SCGB1D2: variants seen among roughly 807,000 people sequenced by gnomAD.
SCGB1D2 encodes secretoglobin family 1D member 2.
In SCGB1D2, 10 loss-of-function variants were observed where a neutral mutation model predicts 10.5. That is an observed-to-expected ratio of 0.95 (90% CI 0.59 to 1.61). The LOEUF is 1.61. SCGB1D2 is among the 40% of genes most tolerant of loss of function. The pLI is 0.00. For missense variants in SCGB1D2, 113 were observed against 103.8 expected, an observed-to-expected ratio of 1.09 and a Z score of -0.38; for synonymous variants, 42 against 42.8, an observed-to-expected ratio of 0.98 and a Z score of 0.08.
chr11:62,244,254 A>G lies in SCGB1D2; in HGVS notation c.244-416A>G, dbSNP rs1157934428. Among the ~76,000 whole-genome samples, 5 of 152,086 alleles carry G rather than the reference A, an allele frequency of 3.3e-5. No homozygotes were observed. In the East Asian group the frequency reaches 9.6e-4, roughly 29 times the overall value. On this transcript the variant is annotated intron_variant, in intron 2 of 2. Coordinates refer to ENST00000244926, the MANE Select transcript of SCGB1D2 (RefSeq NM_006551.4). ...TCGGGCCCTGAGGCAGAATTCCCACATGGGGAGGCTGGAGTCTCCTGGAAG... is the reference window on the plus strand; with the variant it reads ...TCGGGCCCTGAGGCAGAATTCCCACGTGGGGAGGCTGGAGTCTCCTGGAAG...
chr11:62,243,237 G>A (rs1945078385), intron 1 of SCGB1D2, 52 bp from the exon 2 acceptor site: 2 of 1,494,604 alleles, frequency 1.3e-6, no homozygotes, highest in East Asian at 2.3e-5. Context: ...GGGAGCCAAA[G>A]AGAAAAATCG....
At chr11:62,243,604 G>A in intron 2 of SCGB1D2, 128 bp downstream of exon 2, 1 of 748,666 alleles carries the variant, frequency 1.3e-6, no homozygotes, top group Middle Eastern at 4.0e-4. Context: ...TCTTGAGAAG[G>A]TCACCTGGGG....
chr11:62,243,506 C>T, intron 2 of SCGB1D2, 30 bp downstream of exon 2: 3 of 1,578,956 alleles, frequency 1.9e-6, no homozygotes, highest in Non-Finnish European at 2.6e-6. Flanking sequence ...TTTGTTAAGG[C>T]TTCTGGTCAG....
In SCGB1D2 at chr11:62,243,377, A is replaced by G; in HGVS notation, c.144A>G (p.Lys48=). 1.2e-6 allele frequency: 2 copies of G among 1,614,078 alleles called. No homozygotes were observed. The highest frequency in any genetic ancestry group is 1.7e-6 in the Non-Finnish European group (2 of 1,179,950). The part of the protein sequence containing the change: ...SEPLFKLSLA[K]FDAPPEAVAA... ...CTCTGTTCAAGTTAAGTCTTGCCAA[A>G]TTTGATGCCCCTCCGGAAGCTGTTG... The change falls in exon 2 of 3, where the codon AAA becomes AAG. Residue 48 remains lysine, a synonymous_variant. Coordinates refer to ENST00000244926, the MANE Select transcript of SCGB1D2 (RefSeq NM_006551.4).
At chr11:62,242,970 T>C (rs1377150825) in intron 1 of SCGB1D2, among the ~76,000 whole-genome samples, 1 of 152,042 alleles carries the variant, frequency 6.6e-6, no homozygotes, top group Non-Finnish European at 1.5e-5. Context: ...CATGCACCAG[T>C]AGTCTCAGCT....
rs757859052 is a variant in SCGB1D2, at chr11:62,244,745, C to T, written c.*46C>T. On this transcript the variant is annotated 3_prime_UTR_variant, in exon 3 of 3. Coordinates refer to ENST00000244926, the MANE Select transcript of SCGB1D2 (RefSeq NM_006551.4). ...GGTTTCCACTGTCTTTCAATGACAC[C>T]CTGATCTTCACTGCAGAATGTAAAG... 6.6e-7 allele frequency: 1 copy of T among 1,508,152 alleles called. No homozygotes were observed. Among genetic ancestry groups the T allele is most frequent in the South Asian group, 1.1e-5 (1 of 88,462 alleles). The allele number at this position is 1,508,152 out of a possible 1,614,324, so 93.4% of individuals were successfully genotyped here.
intron 2 of SCGB1D2, among the ~76,000 whole-genome samples, chr11:62,244,265 G>A (rs1945090530): frequency 6.6e-6 from 1 of 152,098 alleles, no homozygotes; most frequent in Admixed American, 6.5e-5. Context: ...TGGGGAGGCT[G>A]GAGTCTCCTG....
At chr11:62,244,592 T>A in intron 2 of SCGB1D2, 78 bp from the exon 3 acceptor site, 1 of 1,337,484 alleles carries the variant, frequency 7.5e-7, no homozygotes, top group Admixed American at 1.8e-5. Context: ...AGAATCCCAC[T>A]GGCCTCTTGG....
chr11:62,244,213 C>A (rs1292820232), intron 2 of SCGB1D2, among the ~76,000 whole-genome samples: 1 of 152,150 alleles, frequency 6.6e-6, no homozygotes, highest in South Asian at 2.1e-4. Context: ...GCTGCAGGCT[C>A]GGGACTGAGA....
chr11:62,243,499 G>T, intron 2 of SCGB1D2, 23 bp downstream of exon 2: 7 of 1,595,678 alleles, frequency 4.4e-6, no homozygotes, highest in Non-Finnish European at 6.0e-6. Context: ...TCCTTTATTT[G>T]TTAAGGCTTC....
chr11:62,244,109 G>C (rs898630797), intron 2 of SCGB1D2, among the ~76,000 whole-genome samples: 5 of 152,240 alleles, frequency 3.3e-5, no homozygotes, highest in African/African-American at 1.2e-4. Flanking sequence ...TTCTCACTCT[G>C]TCTTTCTCAA....
At chr11:62,243,677 A>G (rs1288806579) in intron 2 of SCGB1D2, among the ~76,000 whole-genome samples, 1 of 152,126 alleles carries the variant, frequency 6.6e-6, no homozygotes, top group Non-Finnish European at 1.5e-5. Flanking sequence ...AGCCTCCTGC[A>G]TGTTCCTCCT....
At position 62,244,802 on chromosome 11, in the gene SCGB1D2, C is replaced by T. The variant is rs571695342; in HGVS notation, c.*103C>T. On this transcript the variant is annotated 3_prime_UTR_variant, in exon 3 of 3. Transcript: ENST00000244926. ...ACGTCTTGCTTTAATAAATCACTTG[C>T]TCTCCACGTCTCCACTGGTCTTGTT... The T allele has an allele frequency of 3.3e-5, 33 of 989,632 alleles. No individual in the cohort carries two copies. In the African/African-American group the frequency reaches 3.4e-4, roughly 10 times the overall value. The allele number at this position is 989,632 out of a possible 1,614,324, so 61.3% of individuals were successfully genotyped here.
In SCGB1D2 at chr11:62,242,319, G is replaced by A. The variant is rs2232947; in HGVS notation, c.12G>A (p.Ser4=). 3.5e-4 allele frequency: 559 copies of A among 1,614,030 alleles called. 2 individuals are homozygous for A. The highest frequency in any genetic ancestry group is 2.1e-3 in the Middle Eastern group (13 of 6,062). Residue 4 remains serine, a synonymous_variant, in exon 1 of 3, where the codon TCG becomes TCA. Transcript: ENST00000244926. MKL[S]VCLLLVTLAL... ...CAAAACAAGCCACCATGAAGCTGTCGGTGTGTCTCCTGCTGGTCACGCTGG... is the reference window on the plus strand; with the variant it reads ...CAAAACAAGCCACCATGAAGCTGTCAGTGTGTCTCCTGCTGGTCACGCTGG...
Position 62,242,351 on chromosome 11 carries a change from G to C in SCGB1D2, c.44G>C (p.Cys15Ser). 1 of 1,614,056 alleles carries C rather than the reference G, an allele frequency of 6.2e-7. No individual in the cohort carries two copies. The highest frequency in any genetic ancestry group is 8.5e-7 in the Non-Finnish European group (1 of 1,179,954). ...VCLLLVTLAL[C>S]CYQANAEFCP... is the part of the protein sequence containing the mutation. ...CTCCTGCTGGTCACGCTGGCCCTCTGCTGCTACCAGGGTGAGTACATCAGT... is the reference window on the plus strand; with the variant it reads ...CTCCTGCTGGTCACGCTGGCCCTCTCCTGCTACCAGGGTGAGTACATCAGT... The change falls in exon 1 of 3, where the codon TGC becomes TCC. Residue 15 changes from cysteine to serine, a missense_variant. Physicochemically the swap from Cys to Ser is moderately radical, Grantham distance 112. Coordinates refer to ENST00000244926, the MANE Select transcript of SCGB1D2 (RefSeq NM_006551.4).
rs571049380 is a variant in SCGB1D2 at position 62,242,890 on chromosome 11, CCG to C, written c.56-398_56-397del. On this transcript the variant is annotated intron_variant, in intron 1 of 2. Coordinates refer to ENST00000244926, the MANE Select transcript of SCGB1D2 (RefSeq NM_006551.4). ...ATTGCTTGAGCTCAGGAGTTTGAGT[CCG>C]GCCTAGGCAACGTGGCGAAACTCCA... Among the ~76,000 whole-genome samples, 125 of 152,244 alleles carry C rather than the reference CCG, an allele frequency of 8.2e-4. 1 individual carries two copies. Among genetic ancestry groups the C allele is most frequent in the Admixed American group, 7.8e-3 (119 of 15,286 alleles).
intron 2 of SCGB1D2, among the ~76,000 whole-genome samples, chr11:62,244,231 G>A (rs1022223093): frequency 7.2e-5 from 11 of 152,236 alleles, no homozygotes; most frequent in African/African-American, 1.7e-4. Flanking sequence ...AGAGGTGCTC[G>A]GGCCCTGAGG....
At chr11:62,242,561 A>G (rs1473828303) in intron 1 of SCGB1D2, among the ~76,000 whole-genome samples, 199 bp downstream of exon 1, 1 of 152,172 alleles carries the variant, frequency 6.6e-6, no homozygotes, top group African/African-American at 2.4e-5. Flanking sequence ...TTTATTGAAA[A>G]TCAGTGCAGG....
intron 2 of SCGB1D2, 73 bp downstream of exon 2, chr11:62,243,549 T>C: frequency 7.5e-7 from 1 of 1,329,806 alleles, no homozygotes; most frequent in East Asian, 2.3e-5. Flanking sequence ...AGCTTGCTGC[T>C]CTGTTGGGGA....
Sources: gnomAD v4.1 joint callset for allele counts (sites outside exome capture counted in the v4.1 genomes callset) on GRCh38, gnomAD v4.1.1 for gene constraint, MANE v1.5 for transcripts, NCBI Gene and HGNC (gene_info 2026-07-23, HGNC 2026-07-21) for gene names.